Variants in SCG3 observed in about 807,000 individuals in gnomAD.
SCG3 encodes the protein secretogranin-3.
In SCG3, 38 loss-of-function variants were observed where a neutral mutation model predicts 56.2. The observed-to-expected ratio is 0.68, with a 90% confidence interval of 0.52 to 0.89. SCG3 has a LOEUF of 0.89. Ranked by LOEUF, SCG3 falls within the 40% of genes least tolerant of loss-of-function variation. The pLI is 0.00. For synonymous variants in SCG3, 176 were observed against 184.2 expected (o/e 0.96, Z 0.36); for missense variants, 524 against 540.7 (o/e 0.97, Z 0.31).
At chr15:51,697,784 C>T (rs577727048) in intron 8 of SCG3, among the ~76,000 whole-genome samples, 1 of 152,258 alleles carries the variant, frequency 6.6e-6, no homozygotes, top group East Asian at 1.9e-4. Context: ...GACTTACATA[C>T]ATATTAATGT....
At chr15:51,706,997 A>G (rs965448446) in intron 10 of SCG3, among the ~76,000 whole-genome samples, 3 of 152,214 alleles carry the variant, frequency 2.0e-5, no homozygotes, top group Non-Finnish European at 1.5e-5. Context: ...AAAGTTGCTT[A>G]ACTTTTCAAG....
intron 10 of SCG3, among the ~76,000 whole-genome samples, chr15:51,707,341 G>A (rs527886440): frequency 9.9e-5 from 15 of 152,182 alleles, no homozygotes; most frequent in African/African-American, 3.6e-4. Flanking sequence ...TAATTCCTGT[G>A]GATACACTTA....
chr15:51,714,209 A>T (rs1317995196), intron 11 of SCG3, among the ~76,000 whole-genome samples: 5 of 152,208 alleles, frequency 3.3e-5, no homozygotes, highest in Non-Finnish European at 7.3e-5. Context: ...AGTGGGCAGT[A>T]GCCATGCCAG....
chr15:51,700,666 G>A (rs1194054026), intron 9 of SCG3, among the ~76,000 whole-genome samples: 1 of 152,168 alleles, frequency 6.6e-6, no homozygotes, highest in Non-Finnish European at 1.5e-5. Flanking sequence ...CAATGTCAAG[G>A]AGAGATTGGG....
chr15:51,712,209 C>G (rs544988765), intron 10 of SCG3, among the ~76,000 whole-genome samples: 1 of 152,178 alleles, frequency 6.6e-6, no homozygotes, highest in African/African-American at 2.4e-5. Context: ...GATAAGCACA[C>G]AGTACAGGTA....
chr15:51,714,466 T>C (rs1255516092), intron 11 of SCG3, among the ~76,000 whole-genome samples: 1 of 151,046 alleles, frequency 6.6e-6, no homozygotes, highest in Non-Finnish European at 1.5e-5. Context: ...AAGAGCCATG[T>C]GGAGAAGGAG....
In SCG3 at chr15:51,701,331, C is replaced by T. The variant is rs567676544; in HGVS notation, c.1207+87C>T. On this transcript the variant is annotated intron_variant, in intron 10 of 11. Coordinates refer to ENST00000220478, the MANE Select transcript of SCG3 (RefSeq NM_013243.4). ...AAGGGAGGGTGATCCAAAGAGCAAG[C>T]TCCATCACATCTGAGAAATTGACAC... 2.4e-5 allele frequency: 32 copies of T among 1,349,554 alleles called. No homozygotes were observed. The East Asian group carries it at 7.1e-4, about 30-fold the overall frequency. 83.6% of individuals were successfully genotyped at this position (1,349,554 alleles called of 1,614,324 possible).
chr15:51,697,833 TA>T (rs1366450867), intron 8 of SCG3, among the ~76,000 whole-genome samples: 1 of 152,222 alleles, frequency 6.6e-6, no homozygotes, highest in Admixed American at 6.5e-5. Flanking sequence ...ATTATGTGTG[TA>T]TATGTAACTT....
At chr15:51,691,035 C>CA (rs968813473) in intron 6 of SCG3, among the ~76,000 whole-genome samples, 53 of 152,218 alleles carry the variant, frequency 3.5e-4, no homozygotes, top group African/African-American at 1.3e-3. Context: ...TATGAGACCT[C>CA]AAAAAAGGAG....
chr15:51,704,492 C>T (rs948973031), intron 10 of SCG3, among the ~76,000 whole-genome samples: 6 of 149,764 alleles, frequency 4.0e-5, no homozygotes, highest in East Asian at 3.9e-4. Context: ...CCCCACTCCA[C>T]GGCAATAACC....
At chr15:51,706,265 C>T (rs2055375097) in intron 10 of SCG3, among the ~76,000 whole-genome samples, 1 of 152,168 alleles carries the variant, frequency 6.6e-6, no homozygotes, top group Non-Finnish European at 1.5e-5. Context: ...CAATGGCATG[C>T]CTAGCGCTGT....
intron 4 of SCG3, among the ~76,000 whole-genome samples, chr15:51,687,679 T>C (rs932779230): frequency 2.0e-5 from 3 of 152,218 alleles, no homozygotes; most frequent in African/African-American, 7.2e-5. Flanking sequence ...TTAAGCTGCC[T>C]TTTTTACATA....
At chr15:51,704,350 T>C (rs959910136) in intron 10 of SCG3, among the ~76,000 whole-genome samples, 1 of 149,754 alleles carries the variant, frequency 6.7e-6, no homozygotes, top group Non-Finnish European at 1.5e-5. Flanking sequence ...TGTTTTTAAC[T>C]GTACAGTTTT....
intron 8 of SCG3, among the ~76,000 whole-genome samples, chr15:51,698,662 A>G (rs2055319962): frequency 6.6e-6 from 1 of 152,346 alleles, no homozygotes; most frequent in Non-Finnish European, 1.5e-5. Context: ...AGTGTGAGGA[A>G]TTGACCTCAT....
rs2055484014 is a variant in SCG3, at chr15:51,719,739, T to A, written c.*213T>A. 1.9e-6 allele frequency: 1 copy of A among 540,514 alleles called. No individual in the cohort carries two copies. The highest frequency in any genetic ancestry group is 1.9e-5 in the African/African-American group (1 of 52,444). The allele number at this position is 540,514 out of a possible 1,614,324, so 33.5% of individuals were successfully genotyped here. A position where few individuals can be genotyped will look rare whatever the true frequency, so the allele number is the denominator to read the frequency against. ...GTTGTATGTAAGCTGAGATTTTGTATACAGAATCCTTATTTCCTCATAGAC... is the reference window on the plus strand; with the variant it reads ...GTTGTATGTAAGCTGAGATTTTGTAAACAGAATCCTTATTTCCTCATAGAC... On this transcript the variant is annotated 3_prime_UTR_variant, in exon 12 of 12. Coordinates refer to ENST00000220478, the MANE Select transcript of SCG3 (RefSeq NM_013243.4).
intron 8 of SCG3, among the ~76,000 whole-genome samples, chr15:51,696,930 G>C (rs2055307582): frequency 6.6e-6 from 1 of 152,140 alleles, no homozygotes; most frequent in African/African-American, 2.4e-5. Flanking sequence ...AACTATACCA[G>C]ATAGGGCAAT....
intron 11 of SCG3, among the ~76,000 whole-genome samples, chr15:51,718,219 CAGACAGA>C: frequency 1.3e-5 from 2 of 152,086 alleles, no homozygotes; most frequent in East Asian, 3.9e-4. Context: ...GACAGACAGA[CAGACAGA>C]CAGACAGACA....
At chr15:51,699,004 G>A (rs754624797) in intron 8 of SCG3, among the ~76,000 whole-genome samples, 1 of 152,202 alleles carries the variant, frequency 6.6e-6, no homozygotes, top group Non-Finnish European at 1.5e-5. Context: ...ACAAGGTGTT[G>A]AATAGGTCAA....
intron 10 of SCG3, among the ~76,000 whole-genome samples, chr15:51,704,241 A>G (rs1390358363): frequency 1.9e-5 from 1 of 53,330 alleles, no homozygotes; most frequent in Non-Finnish European, 3.7e-5. Flanking sequence ...ACATACATAC[A>G]TACATATATA....
Sources: gnomAD v4.1 joint callset for allele counts (sites outside exome capture counted in the v4.1 genomes callset) on GRCh38, gnomAD v4.1.1 for gene constraint, MANE v1.5 for transcripts, NCBI Gene and HGNC (gene_info 2026-07-23, HGNC 2026-07-21) for gene names.